SDCCAG8: variants seen among roughly 807,000 people sequenced by gnomAD.
The protein encoded by SDCCAG8 is serologically defined colon cancer antigen 8.
In SDCCAG8, 74 loss-of-function variants were observed where a neutral mutation model predicts 101.8. That is an observed-to-expected ratio of 0.73 (90% CI 0.60 to 0.88). The LOEUF (loss-of-function observed/expected upper bound fraction) is 0.88, where lower values mean the gene tolerates loss of function less well. Among genes scored for constraint, SDCCAG8 ranks in the 40% least tolerant of loss-of-function variants. The pLI, the probability that SDCCAG8 is intolerant of heterozygous loss-of-function variation, is 0.00. For synonymous variants in SDCCAG8, 281 were observed against 292.9 expected (o/e 0.96, Z 0.41); for missense variants, 787 against 822.6 (o/e 0.96, Z 0.53).
chr1:243,258,338 CAG>C (rs1458105502), intron 1 of SDCCAG8, among the ~76,000 whole-genome samples: 2 of 152,262 alleles, frequency 1.3e-5, no homozygotes, highest in East Asian at 3.9e-4. Flanking sequence ...GGAAACAAAA[CAG>C]AATTAACTCT....
At chr1:243,386,981 G>A (rs996808275) in intron 13 of SDCCAG8, among the ~76,000 whole-genome samples, 7 of 152,142 alleles carry the variant, frequency 4.6e-5, no homozygotes, top group Non-Finnish European at 2.9e-5. Flanking sequence ...AAGAAAGAGA[G>A]GCTTTTATTA....
chr1:243,468,112 C>T (rs1660500654), intron 16 of SDCCAG8, among the ~76,000 whole-genome samples: 3 of 152,172 alleles, frequency 2.0e-5, no homozygotes, highest in Admixed American at 2.0e-4. Context: ...CCAGCTTTAC[C>T]ACTTACTACC....
At position 243,412,843 on chromosome 1, in the gene SDCCAG8, G is replaced by GTT. The variant is rs35984775; in HGVS notation, c.1617-2850_1617-2849dup. On this transcript the variant is annotated intron_variant, in intron 13 of 17. Transcript: ENST00000366541. ...GTGACCCTTGGGGATTTTTAAGTAG[G>GTT]TTTTTTTTTTCCAACTGTAAAGTGA... Among the ~76,000 whole-genome samples the GTT allele has an allele frequency of 3.5e-3, 528 of 150,276 alleles. 4 individuals are homozygous for GTT. The highest frequency in any genetic ancestry group is 5.3e-3 in the Non-Finnish European group (360 of 67,570).
intron 7 of SDCCAG8, chr1:243,307,719 T>C (rs1423220155): frequency 2.2e-6 from 3 of 1,351,358 alleles, no homozygotes; most frequent in Non-Finnish European, 2.9e-6. Context: ...AGAGAGCCAG[T>C]GTCAGGCGGA....
chr1:243,308,659 A>T (rs2072409722), intron 8 of SDCCAG8, among the ~76,000 whole-genome samples: 1 of 152,182 alleles, frequency 6.6e-6, no homozygotes, highest in Non-Finnish European at 1.5e-5. Context: ...ACTGTATCCC[A>T]CTATTGATAT....
intron 9 of SDCCAG8, among the ~76,000 whole-genome samples, chr1:243,320,026 T>G (rs2073618608): frequency 6.6e-6 from 1 of 152,200 alleles, no homozygotes; most frequent in Admixed American, 6.5e-5. Flanking sequence ...CATTTAAACA[T>G]AAATTTTACC....
intron 12 of SDCCAG8, among the ~76,000 whole-genome samples, chr1:243,367,190 C>A (rs2077037218): frequency 6.6e-6 from 1 of 151,874 alleles, no homozygotes; most frequent in Admixed American, 6.6e-5. Flanking sequence ...GATAATTTTT[C>A]TTTGGTAATT....
intron 10 of SDCCAG8, among the ~76,000 whole-genome samples, chr1:243,338,425 T>C (rs2075161368): frequency 6.6e-6 from 1 of 152,084 alleles, no homozygotes; most frequent in Non-Finnish European, 1.5e-5. Context: ...ACTTTTCTTT[T>C]TTTTTTTTTT....
At chr1:243,425,932 A>C (rs1379676036) in intron 15 of SDCCAG8, among the ~76,000 whole-genome samples, 1 of 152,226 alleles carries the variant, frequency 6.6e-6, no homozygotes, top group Admixed American at 6.5e-5. Context: ...TGTCCAGAAT[A>C]ATGTCTGGCC....
intron 16 of SDCCAG8, among the ~76,000 whole-genome samples, chr1:243,460,441 C>T (rs544152948): frequency 6.6e-6 from 1 of 152,226 alleles, no homozygotes; most frequent in Admixed American, 6.5e-5. Flanking sequence ...CACAGTCCAC[C>T]CAACTCACAG....
intron 16 of SDCCAG8, among the ~76,000 whole-genome samples, chr1:243,449,205 C>T (rs2083169635): frequency 6.6e-6 from 1 of 152,088 alleles, no homozygotes; most frequent in South Asian, 2.1e-4. Flanking sequence ...ATTAGTTGAT[C>T]CTTATTTTTC....
chr1:243,272,651 T>C (rs1287788651), intron 3 of SDCCAG8, among the ~76,000 whole-genome samples: 3 of 152,216 alleles, frequency 2.0e-5, no homozygotes. Flanking sequence ...AGACCTTCAC[T>C]AAGAGAATCA....
intron 1 of SDCCAG8, among the ~76,000 whole-genome samples, chr1:243,264,079 C>A (rs2067396945): frequency 6.6e-6 from 1 of 152,216 alleles, no homozygotes; most frequent in South Asian, 2.1e-4. Context: ...CATATTCTCT[C>A]AGAGACAGCT....
At chr1:243,489,290 T>TCTTC in intron 17 of SDCCAG8, 150 bp downstream of exon 17, 4 of 1,106,444 alleles carry the variant, frequency 3.6e-6, no homozygotes, top group Non-Finnish European at 5.1e-6. Flanking sequence ...CTGGGCACAG[T>TCTTC]GCAGGACCCA....
chr1:243,346,917 G>A (rs1258598024), intron 12 of SDCCAG8, among the ~76,000 whole-genome samples: 2 of 152,098 alleles, frequency 1.3e-5, no homozygotes, highest in Non-Finnish European at 2.9e-5. Flanking sequence ...TGAGGGTATA[G>A]GGAATATTGT....
At chr1:243,304,862 T>C (rs1005449157) in intron 7 of SDCCAG8, 85 bp downstream of exon 7, 5 of 875,778 alleles carry the variant, frequency 5.7e-6, no homozygotes, top group Admixed American at 3.8e-5. Flanking sequence ...CTTCTAGTTT[T>C]AGTCATTATC....
chr1:243,378,989 A>G, intron 13 of SDCCAG8, 126 bp downstream of exon 13: 1 of 1,259,178 alleles, frequency 7.9e-7, no homozygotes, highest in South Asian at 1.2e-5. Context: ...CAGGCATATT[A>G]AGAAAAGTGG....
intron 9 of SDCCAG8, among the ~76,000 whole-genome samples, chr1:243,318,992 C>G (rs528179657): frequency 6.6e-6 from 1 of 152,066 alleles, no homozygotes; most frequent in Non-Finnish European, 1.5e-5. Context: ...AGGCTGCATA[C>G]GAAGCATGGT....
chr1:243,369,077 T>C (rs1399228433), intron 12 of SDCCAG8, among the ~76,000 whole-genome samples: 2 of 152,080 alleles, frequency 1.3e-5, no homozygotes, highest in Non-Finnish European at 2.9e-5. Context: ...CCTCATAATT[T>C]AATGGTCTAC....
Sources: allele counts gnomAD v4.1 joint callset (sites outside exome capture counted in the v4.1 genomes callset), GRCh38; gene constraint gnomAD v4.1.1; transcripts MANE v1.5; gene names NCBI Gene and HGNC (gene_info 2026-07-23, HGNC 2026-07-21).